Variants in KCNC4 observed in about 807,000 individuals in gnomAD.
The protein encoded by KCNC4 is voltage-gated potassium channel KCNC4.
Under a neutral mutation model 42.8 loss-of-function variants are expected in KCNC4, and 23 were observed. That is an observed-to-expected ratio of 0.54 (90% CI 0.39 to 0.76). The LOEUF (loss-of-function observed/expected upper bound fraction) is 0.76, where lower values mean the gene tolerates loss of function less well. Ranked by LOEUF, KCNC4 falls within the 30% of genes least tolerant of loss-of-function variation. KCNC4 has a pLI of 0.00. For synonymous variants in KCNC4, 422 were observed against 393.5 expected (o/e 1.07, Z -0.86); for missense variants, 751 against 898.2 (o/e 0.84, Z 2.10).
chr1:110,229,715 C>T (rs1244967447), intron 3 of KCNC4, among the ~76,000 whole-genome samples: 2 of 152,136 alleles, frequency 1.3e-5, no homozygotes, highest in Non-Finnish European at 1.5e-5. Context: ...GTACACCTTG[C>T]GCAGGGGCAG....
At chr1:110,247,363 A>C (rs1401681912) in exon 4 of KCNC4, 1 of 151,058 alleles carries the variant, frequency 6.6e-6, no homozygotes, top group Non-Finnish European at 1.5e-5. Flanking sequence ...ACCACATGCC[A>C]TCATGCCTGG....
Position 110,223,884 on chromosome 1 carries a change from C to G in KCNC4, c.1599C>G (p.Ile533Met), listed in dbSNP as rs770979171. The change falls in exon 2 of 4, where the codon ATC becomes ATG. Residue 533 changes from isoleucine to methionine, a missense_variant. Physicochemically the swap from Ile to Met is conservative, Grantham distance 10. Transcript: ENST00000438661. This position sits in a 1 kb window ranked among gnomAD's most constrained non-coding sequence, Gnocchi z 7.5. ...TSPPAREEGM[I>M]ERKRADSKQN... is the part of the protein sequence containing the mutation. ...CCCCTGCCCGGGAAGAGGGTATGAT[C>G]GAGAGGAAACGGGCAGGTGAGATTA... The G allele has an allele frequency of 1.9e-6, 3 of 1,594,718 alleles. No homozygotes were observed. The highest frequency in any genetic ancestry group is 2.3e-5 in the South Asian group (2 of 88,040).
In KCNC4 at chr1:110,211,436, C is replaced by T; in HGVS notation, c.-64C>T. 2 of 1,521,378 alleles carry T rather than the reference C, an allele frequency of 1.3e-6. No homozygotes were observed. Among genetic ancestry groups the T allele is most frequent in the South Asian group, 1.3e-5 (1 of 78,448 alleles). The allele number at this position is 1,521,378 out of a possible 1,614,324, so 94.2% of individuals were successfully genotyped here. On this transcript the variant is annotated 5_prime_UTR_variant, in exon 1 of 4. Coordinates refer to ENST00000438661, the MANE Select transcript of KCNC4 (RefSeq NM_001039574.3). The surrounding 1 kb of genome is among the most constrained non-coding windows in gnomAD (Gnocchi z 6.5). Reference sequence around the variant, plus strand: ...CCTCCCCCTCCCCCGTCTGACGCTGCCTCCTCGGGAAGGGTGTTTGGAGGG... The same window carrying T: ...CCTCCCCCTCCCCCGTCTGACGCTGTCTCCTCGGGAAGGGTGTTTGGAGGG...
intron 3 of KCNC4, among the ~76,000 whole-genome samples, chr1:110,231,342 A>G (rs1213639625): frequency 6.6e-6 from 1 of 152,096 alleles, no homozygotes; most frequent in East Asian, 1.9e-4. Flanking sequence ...TGGTGGGTCA[A>G]ATAGGTAAGA....
At chr1:110,280,199 C>T (rs1456819207) in intron 1 of KCNC4, among the ~76,000 whole-genome samples, 1 of 152,122 alleles carries the variant, frequency 6.6e-6, no homozygotes, top group Non-Finnish European at 1.5e-5. Flanking sequence ...AATCGAGGCA[C>T]AGAGAGGTTA....
chr1:110,224,681 AAAG>A (rs1460276425), intron 2 of KCNC4: 4 of 152,256 alleles, frequency 2.6e-5, no homozygotes, highest in Non-Finnish European at 4.4e-5. Flanking sequence ...CCATCCCAAG[AAAG>A]CTCATCTCCG....
intron 1 of KCNC4, among the ~76,000 whole-genome samples, chr1:110,260,249 G>C (rs957645220): frequency 9.8e-5 from 15 of 152,288 alleles, no homozygotes; most frequent in Admixed American, 3.9e-4. Context: ...AGGGCATAAG[G>C]GTGCTTCCCA....
Position 110,211,871 on chromosome 1 carries a change from G to A in KCNC4, c.372G>A (p.Pro124=). 1 of 1,611,718 alleles carries A rather than the reference G, an allele frequency of 6.2e-7. No individual in the cohort carries two copies. Among genetic ancestry groups the A allele is most frequent in the Non-Finnish European group, 8.5e-7 (1 of 1,179,858 alleles). ...KLHCPADVCG[P]LFEEELTFWG... is the part of the protein sequence containing the mutation. ...ACTGCCCCGCGGACGTGTGCGGGCC[G>A]CTCTTCGAAGAGGAGCTCACCTTCT... The change falls in exon 1 of 4, where the codon CCG becomes CCA. Residue 124 remains proline, a synonymous_variant. Transcript: ENST00000438661. The surrounding 1 kb of genome is among the most constrained non-coding windows in gnomAD (Gnocchi z 6.5).
rs538565189 is a variant in KCNC4, at chr1:110,277,376, T to A, written n.31-5158T>A. Among the ~76,000 whole-genome samples, 675 of 152,358 alleles carry A rather than the reference T, an allele frequency of 4.4e-3. 5 individuals carry two copies. The highest frequency in any genetic ancestry group is 0.015 in the African/African-American group (625 of 41,570). On this transcript the variant is annotated intron_variant and non_coding_transcript_variant, in intron 1 of 2. Coordinates refer to the KCNC4 transcript ENST00000412512. ...ACAAATTAGCATTGGGAAGTCCTTT[T>A]CTTTAAGAAAGAAGAAAATAAGTTT...
chr1:110,269,081 G>C (rs1198414356), intron 1 of KCNC4, among the ~76,000 whole-genome samples: 1 of 152,126 alleles, frequency 6.6e-6, no homozygotes, highest in African/African-American at 2.4e-5. Flanking sequence ...TTTCTTCAGG[G>C]CAGCAGGCAA....
rs1385599226 is a variant in KCNC4 at position 110,233,858 on chromosome 1, C to G, written c.*886C>G. On this transcript the variant is annotated 3_prime_UTR_variant, in exon 4 of 4. Coordinates refer to ENST00000438661, the MANE Select transcript of KCNC4 (RefSeq NM_001039574.3). ...GACCCCTTCAGCCTTGGCCTCTGCC[C>G]CTCCCTTGGCCCTCCCTCCCTGCTC... 6.6e-6 allele frequency: 1 copy of G among 152,634 alleles called. No individual in the cohort carries two copies. The highest frequency in any genetic ancestry group is 1.5e-5 in the Non-Finnish European group (1 of 68,286). The allele number at this position is 152,634 out of a possible 1,614,324, so 9.5% of individuals were successfully genotyped here.
At chr1:110,254,681 T>A (rs1436935194) in intron 1 of KCNC4, among the ~76,000 whole-genome samples, 1 of 152,226 alleles carries the variant, frequency 6.6e-6, no homozygotes, top group Non-Finnish European at 1.5e-5. Flanking sequence ...GAGGACTGTC[T>A]GTAGATCCTG....
chr1:110,270,767 A>G (rs1017166494), intron 1 of KCNC4, among the ~76,000 whole-genome samples: 2 of 152,206 alleles, frequency 1.3e-5, no homozygotes, highest in African/African-American at 2.4e-5. Flanking sequence ...ACACTGCATC[A>G]GAGGTGAGCA....
At chr1:110,217,389 T>C (rs181816311) in intron 1 of KCNC4, among the ~76,000 whole-genome samples, 3 of 152,244 alleles carry the variant, frequency 2.0e-5, no homozygotes, top group African/African-American at 7.2e-5. Context: ...AGTCACATTA[T>C]AAATACATAC....
At chr1:110,239,052 C>T (rs1658972266) in exon 4 of KCNC4, 1 of 152,288 alleles carries the variant, frequency 6.6e-6, no homozygotes, top group Admixed American at 6.5e-5. Context: ...TCCACCCAGT[C>T]ACCAGAGAGA....
rs376300705 is a variant in KCNC4 at position 110,223,785 on chromosome 1, G to A, written c.1500G>A (p.Ala500=). Residue 500 remains alanine (A), a synonymous_variant, in exon 2 of 4, where the codon GCG becomes GCA. Coordinates refer to ENST00000438661, the MANE Select transcript of KCNC4 (RefSeq NM_001039574.3). The surrounding 1 kb of genome is among the most constrained non-coding windows in gnomAD (Gnocchi z 7.5). ...KKRKKHVPRP[A]QLESPMYCKS... ...GGAAGAAGCACGTGCCACGGCCGGC[G>A]CAGCTGGAGTCACCCATGTACTGCA... 8.6e-5 allele frequency: 138 copies of A among 1,614,006 alleles called. No individual in the cohort carries two copies. Among genetic ancestry groups the A allele is most frequent in the African/African-American group, 1.3e-4 (10 of 74,908 alleles).
chr1:110,214,654 C>T (rs1037795374), intron 1 of KCNC4, among the ~76,000 whole-genome samples: 1 of 152,192 alleles, frequency 6.6e-6, no homozygotes, highest in African/African-American at 2.4e-5. Flanking sequence ...AGTGGCCAGG[C>T]TTTGAATCAA....
chr1:110,278,834 G>A (rs763993183), intron 1 of KCNC4, among the ~76,000 whole-genome samples: 2 of 152,128 alleles, frequency 1.3e-5, no homozygotes, highest in Middle Eastern at 3.2e-3. Context: ...GGGGACAGAG[G>A]TATCACTTGT....
At chr1:110,244,388 T>TAAAA (rs3061988) in exon 4 of KCNC4, 151,671 of 152,192 alleles carry the variant, frequency 1, 75,576 homozygotes, top group East Asian at 1. Flanking sequence ...ATAATAATAA[T>TAAAA]AAATAACAAA....
Sources: gnomAD v4.1 joint callset for allele counts (sites outside exome capture counted in the v4.1 genomes callset) on GRCh38, gnomAD v4.1.1 for gene constraint, Gnocchi (gnomAD v3.1) non-coding constraint, MANE v1.5 for transcripts, NCBI Gene and HGNC (gene_info 2026-07-23, HGNC 2026-07-21) for gene names.